Variants in SLC13A1 observed in about 807,000 individuals in gnomAD.
The protein encoded by SLC13A1 is Na(+)/sulfate cotransporter.
A neutral mutation model predicts 70.0 loss-of-function variants in SLC13A1; 65 were observed. The observed-to-expected ratio is 0.93, with a 90% CI of 0.76 to 1.14. SLC13A1 has a LOEUF of 1.14. Among genes scored for constraint, SLC13A1 ranks in the 50% most tolerant of loss-of-function variants. The pLI is 0.00. For missense variants in SLC13A1, 726 were observed against 717.8 expected (o/e 1.01, Z -0.13); for synonymous variants, 275 against 250.5 (o/e 1.10, Z -0.92).
intron 6 of SLC13A1, among the ~76,000 whole-genome samples, chr7:123,152,219 G>A (rs1794580180): frequency 6.6e-6 from 1 of 151,960 alleles, no homozygotes; most frequent in African/African-American, 2.4e-5. Flanking sequence ...AGTAACTCAG[G>A]CCACATTTTC....
chr7:123,176,457 C>T (rs1329821521), intron 2 of SLC13A1, among the ~76,000 whole-genome samples: 1 of 152,112 alleles, frequency 6.6e-6, no homozygotes, highest in African/African-American at 2.4e-5. Flanking sequence ...ATTTCTGTCT[C>T]AAAATAGGAT....
intron 1 of SLC13A1, chr7:123,190,711 G>A (rs1795964353): frequency 4.5e-6 from 2 of 440,994 alleles, no homozygotes; most frequent in South Asian, 1.6e-5. Flanking sequence ...GCATTAGAGT[G>A]TCTAAGACTC....
intron 8 of SLC13A1, among the ~76,000 whole-genome samples, chr7:123,133,860 T>G (rs991687022): frequency 5.3e-5 from 8 of 151,678 alleles, no homozygotes; most frequent in Admixed American, 2.6e-4. Flanking sequence ...TTTTATTTTT[T>G]GAGACCGTTC....
In SLC13A1 at chr7:123,115,636, A is replaced by T. The variant is rs1793155081; in HGVS notation, c.1670T>A (p.Val557Asp). ...VIDMVKAGLG[V>D]NIVGVAVVML... Reference sequence around the variant, plus strand: ...AACCACAGCAACACCAACAATGTTGACACCAAGTCCAGCTTTAACCTTGAA... The same window carrying T: ...AACCACAGCAACACCAACAATGTTGTCACCAAGTCCAGCTTTAACCTTGAA... Residue 557 changes from valine (V) to aspartate (D), a missense_variant, in exon 15 of 15, where the codon GTC (valine) becomes GAC (aspartate). By Grantham distance (152) the Val-to-Asp change is radical. Coordinates refer to ENST00000194130, the MANE Select transcript of SLC13A1 (RefSeq NM_022444.4). 2 of 1,613,776 alleles carry T rather than the reference A, an allele frequency of 1.2e-6. No individual in the cohort carries two copies. The highest frequency in any genetic ancestry group is 1.7e-5 in the Admixed American group (1 of 60,004).
chr7:123,135,793 T>C (rs1326234543), intron 7 of SLC13A1, among the ~76,000 whole-genome samples: 1 of 152,176 alleles, frequency 6.6e-6, no homozygotes, highest in Non-Finnish European at 1.5e-5. Flanking sequence ...TAGAATTATC[T>C]TTAGCAACTG....
chr7:123,181,429 T>G (rs1316544402), intron 1 of SLC13A1, among the ~76,000 whole-genome samples: 1 of 152,132 alleles, frequency 6.6e-6, no homozygotes, highest in African/African-American at 2.4e-5. Context: ...GCCTATAAAA[T>G]GCACTCCCCC....
chr7:123,147,046 G>T, intron 7 of SLC13A1, 113 bp downstream of exon 7: 1 of 1,030,022 alleles, frequency 9.7e-7, no homozygotes, highest in Non-Finnish European at 1.4e-6. Flanking sequence ...AGGGAAACAA[G>T]GGAGAGTTAA....
At chr7:123,158,056 C>T (rs1400494358) in intron 6 of SLC13A1, among the ~76,000 whole-genome samples, 1 of 151,898 alleles carries the variant, frequency 6.6e-6, no homozygotes, top group Non-Finnish European at 1.5e-5. Flanking sequence ...GAAGCTGCAA[C>T]ATAGGACTTA....
In SLC13A1 at chr7:123,147,241, T is replaced by C. The variant is rs115720122; in HGVS notation, c.730A>G (p.Ile244Val). ...HVTRKLTCLC[I>V]AYSSTIGGLT... ...CCACCAATGGTAGAAGAGTAGGCAA[T>C]GCACAAACACGTAAGTTTACGTGTC... Residue 244 changes from isoleucine to valine, a missense_variant, in exon 7 of 15, where the codon ATT (isoleucine) becomes GTT (valine). By Grantham distance (29) the Ile-to-Val change is conservative. Coordinates refer to ENST00000194130, the MANE Select transcript of SLC13A1 (RefSeq NM_022444.4). 1.9e-6 allele frequency: 3 copies of C among 1,613,784 alleles called. No homozygotes were observed. Among genetic ancestry groups the C allele is most frequent in the African/African-American group, 1.3e-5 (1 of 75,052 alleles).
chr7:123,143,989 T>C (rs1794255115), intron 7 of SLC13A1, among the ~76,000 whole-genome samples: 1 of 152,170 alleles, frequency 6.6e-6, no homozygotes, highest in Middle Eastern at 3.2e-3. Flanking sequence ...TTAGTTTACA[T>C]GTGAAGATAA....
intron 1 of SLC13A1, among the ~76,000 whole-genome samples, chr7:123,189,912 T>G (rs1317784716): frequency 1.3e-5 from 2 of 152,088 alleles, no homozygotes; most frequent in Non-Finnish European, 2.9e-5. Flanking sequence ...ACAAATGCAT[T>G]TGAGAGCTCA....
chr7:123,156,169 T>C (rs1794706975), intron 6 of SLC13A1, among the ~76,000 whole-genome samples: 1 of 152,112 alleles, frequency 6.6e-6, no homozygotes, highest in South Asian at 2.1e-4. Context: ...TCCATGGGAT[T>C]ACTGGGGATA....
intron 2 of SLC13A1, among the ~76,000 whole-genome samples, chr7:123,172,220 T>G: frequency 6.6e-6 from 1 of 152,202 alleles, no homozygotes; most frequent in East Asian, 1.9e-4. Flanking sequence ...GACTGTGATT[T>G]GGGAACGTTT....
chr7:123,131,340 T>C (rs946878553), intron 8 of SLC13A1, among the ~76,000 whole-genome samples: 2 of 151,982 alleles, frequency 1.3e-5, no homozygotes, highest in African/African-American at 4.8e-5. Flanking sequence ...AAAATCATAG[T>C]AAAGAAGGAG....
chr7:123,149,454 A>G, intron 6 of SLC13A1: 1 of 456,526 alleles, frequency 2.2e-6, no homozygotes, highest in South Asian at 1.5e-5. Context: ...CTTGTTAAGT[A>G]GGAGACTCTT....
chr7:123,143,770 G>T (rs1346040826), intron 7 of SLC13A1, among the ~76,000 whole-genome samples: 1 of 152,082 alleles, frequency 6.6e-6, no homozygotes, highest in Non-Finnish European at 1.5e-5. Context: ...CTTGCACGGG[G>T]TACTATCCAT....
chr7:123,175,507 C>T (rs1281260879), intron 2 of SLC13A1, among the ~76,000 whole-genome samples: 1 of 152,068 alleles, frequency 6.6e-6, no homozygotes, highest in Non-Finnish European at 1.5e-5. Flanking sequence ...TCACTCCAAC[C>T]TCTTGAATGG....
At chr7:123,143,550 T>C (rs890739318) in intron 7 of SLC13A1, among the ~76,000 whole-genome samples, 37 of 152,060 alleles carry the variant, frequency 2.4e-4, no homozygotes, top group African/African-American at 8.9e-4. Flanking sequence ...GCTCCTCCTC[T>C]CCCCACAGCA....
At chr7:123,154,312 T>C (rs1370426729) in intron 6 of SLC13A1, among the ~76,000 whole-genome samples, 1 of 152,160 alleles carries the variant, frequency 6.6e-6, no homozygotes, top group Non-Finnish European at 1.5e-5. Flanking sequence ...ATGTGGAGTA[T>C]GCCTTCCACA....
Sources: gnomAD v4.1 joint callset for allele counts (sites outside exome capture counted in the v4.1 genomes callset) on GRCh38, gnomAD v4.1.1 for gene constraint, MANE v1.5 for transcripts, NCBI Gene and HGNC (gene_info 2026-07-23, HGNC 2026-07-21) for gene names.